Variants in NBEAL2 observed in about 807,000 individuals in gnomAD.
NBEAL2 encodes the protein neurobeachin like 2, also known as neurobeachin-like protein 2.
A neutral mutation model predicts 299.8 loss-of-function variants in NBEAL2; 160 were observed. That is an observed-to-expected ratio of 0.53 (90% CI 0.47 to 0.61). The LOEUF is 0.61. Ranked by LOEUF, NBEAL2 falls within the 20% of genes least tolerant of loss-of-function variation. The pLI, the probability that NBEAL2 is intolerant of heterozygous loss-of-function variation, is 0.00. For missense variants in NBEAL2, 3,112 were observed against 3,649.0 expected (o/e 0.85, Z 3.79); for synonymous variants, 1,493 against 1,542.3 (o/e 0.97, Z 0.75).
rs1055749717 is a variant in NBEAL2 at position 46,979,686 on chromosome 3, A to C, written c.-176A>C. 9 of 315,282 alleles carry C rather than the reference A, an allele frequency of 2.9e-5. No homozygotes were observed. Among genetic ancestry groups the C allele is most frequent in the African/African-American group, 1.8e-4 (8 of 45,554 alleles). The allele number at this position is 315,282 out of a possible 1,614,324, so 19.5% of individuals were successfully genotyped here. A position where few individuals can be genotyped will look rare whatever the true frequency, so the allele number is the denominator to read the frequency against. ...CCGGCAGTGAGGAGGAGGAGCGAGC[A>C]GACTTGGGTGGCTCTGCGCCGCGGA... On this transcript the variant is annotated 5_prime_UTR_variant, in exon 1 of 54. Coordinates refer to ENST00000450053, the MANE Select transcript of NBEAL2 (RefSeq NM_015175.3).
chr3:47,007,775 T>G lies in NBEAL2; in HGVS notation c.7508-41T>G, dbSNP rs760428051. ...GTTCTGAGGCTGGCCAGGGCGGATG[T>G]GACTCCTCCGTTCTGCCTGTACCCT... On this transcript the variant is annotated intron_variant, in intron 48 of 53. Transcript: ENST00000450053. 5 of 1,608,812 alleles carry G rather than the reference T, an allele frequency of 3.1e-6. No individual in the cohort carries two copies. The Admixed American group carries it at 8.4e-5, about 27-fold the overall frequency.
At chr3:46,992,071 A>G in intron 9 of NBEAL2, 125 bp downstream of exon 9, 1 of 890,598 alleles carries the variant, frequency 1.1e-6, no homozygotes, top group South Asian at 1.5e-5. Flanking sequence ...AGCTGGTGGG[A>G]TGGCTTGCAG....
At chr3:46,986,035 G>C (rs2035651837) in intron 1 of NBEAL2, among the ~76,000 whole-genome samples, 1 of 152,212 alleles carries the variant, frequency 6.6e-6, no homozygotes, top group African/African-American at 2.4e-5. Context: ...GCCTAGGTCA[G>C]AGTTGGCCTG....
intron 9 of NBEAL2, 126 bp from the exon 10 acceptor site, chr3:46,992,349 T>G: frequency 1.1e-6 from 1 of 875,566 alleles, no homozygotes; most frequent in Non-Finnish European, 1.9e-6. Context: ...CTCAGCACCC[T>G]ACTCTTCCCT....
In NBEAL2 at chr3:47,008,633, C is replaced by T. The variant is rs369221654; in HGVS notation, c.7992C>T (p.Thr2664=). Residue 2664 remains threonine, a synonymous_variant, in exon 52 of 54, where the codon ACC becomes ACT. Transcript: ENST00000450053. ...CAGAGGACTTTGTGTTGCTGGGCAC[C>T]GCCCAGTGCGCCCTGCACATCCTCC... ...TVTEDFVLLG[T]AQCALHILQL... is the part of the protein sequence containing the mutation. 34 of 1,613,408 alleles carry T rather than the reference C, an allele frequency of 2.1e-5. No homozygotes were observed. The East Asian group carries it at 4.9e-4, about 23-fold the overall frequency.
chr3:46,992,337 G>A, intron 9 of NBEAL2, 138 bp from the exon 10 acceptor site: 1 of 798,814 alleles, frequency 1.3e-6, no homozygotes, highest in Non-Finnish European at 2.1e-6. Flanking sequence ...GGGCACAGGG[G>A]GCTCAGCACC....
chr3:46,987,411 G>T (rs934004150), intron 1 of NBEAL2, among the ~76,000 whole-genome samples: 73 of 152,352 alleles, frequency 4.8e-4, no homozygotes, highest in African/African-American at 1.7e-3. Flanking sequence ...GGACTCAGCT[G>T]GTTAGGAGCT....
Position 47,008,605 on chromosome 3 carries a change from TGACA to T in NBEAL2, c.7967_7970del (p.Thr2656ArgfsTer18), listed in dbSNP as rs767926880. ...GCAGAGCAGCCTACAGCCCTGACGG[TGACA>T]GAGGACTTTGTGTTGCTGGGCACCG... On this transcript the variant is annotated frameshift_variant, in exon 52 of 54. Coordinates refer to ENST00000450053, the MANE Select transcript of NBEAL2 (RefSeq NM_015175.3). LOFTEE classifies it high-confidence loss of function. The T allele has an allele frequency of 6.2e-7, 1 of 1,613,594 alleles. No homozygotes were observed. The highest frequency in any genetic ancestry group is 1.7e-5 in the Admixed American group (1 of 60,012).
chr3:47,005,843 C>T lies in NBEAL2; in HGVS notation c.6797C>T (p.Ala2266Val). The T allele has an allele frequency of 6.2e-7, 1 of 1,613,380 alleles. No individual in the cohort carries two copies. The highest frequency in any genetic ancestry group is 8.5e-7 in the Non-Finnish European group (1 of 1,179,798). Residue 2266 changes from alanine (A) to valine (V), a missense_variant, in exon 42 of 54, where the codon GCT becomes GTT. Ala to Val is a moderately conservative substitution (Grantham distance 64, BLOSUM62 0). Coordinates refer to ENST00000450053, the MANE Select transcript of NBEAL2 (RefSeq NM_015175.3). The stretch of plus-strand genomic sequence containing the variant: ...GACTTCATCCAGCAGCACCGCCAGG[C>T]TCTGGTGAGGAAGGAACCACAGGCA... ...PEDFIQQHRQ[A>V]LESEYVSAHL...
chr3:46,995,799 T>C lies in NBEAL2; in HGVS notation c.1984T>C (p.Tyr662His). The C allele has an allele frequency of 6.2e-7, 1 of 1,613,430 alleles. No individual in the cohort carries two copies. The highest frequency in any genetic ancestry group is 8.5e-7 in the Non-Finnish European group (1 of 1,179,772). ...LVVAVCTRKEYLTMSLPEVSF... is the reference protein window; with the variant it reads ...LVVAVCTRKEHLTMSLPEVSF... ...GGTGGCTGTGTGCACACGGAAGGAG[T>C]ATTTGACCATGAGTTTGCCCGAAGT... The change falls in exon 14 of 54, where the codon TAT becomes CAT. Residue 662 changes from tyrosine (Y) to histidine (H), a missense_variant. Around this residue, in one of 3 missense-constraint regions of NBEAL2, gnomAD observed 2,243 missense variants for 2,538.1 expected, o/e 0.88. Transcript: ENST00000450053.
chr3:47,002,022 C>G lies in NBEAL2; in HGVS notation c.4885C>G (p.Leu1629Val), dbSNP rs1384783313. The G allele has an allele frequency of 6.3e-7, 1 of 1,577,602 alleles. No individual in the cohort carries two copies. The highest frequency in any genetic ancestry group is 8.6e-7 in the Non-Finnish European group (1 of 1,162,180). The change falls in exon 31 of 54, where the codon CTG becomes GTG. Residue 1629 changes from leucine (L) to valine (V), a missense_variant. By Grantham distance (32) the Leu-to-Val change is conservative. Coordinates refer to ENST00000450053, the MANE Select transcript of NBEAL2 (RefSeq NM_015175.3). ...CYVLSKLEAA[L>V]GRVLNTSSLE... Reference sequence around the variant, plus strand: ...TGTGCTCTCCAAGCTGGAGGCTGCACTGGGGCGGGTGCTGAACACCTCTTC... The same window carrying G: ...TGTGCTCTCCAAGCTGGAGGCTGCAGTGGGGCGGGTGCTGAACACCTCTTC...
Position 47,005,833 on chromosome 3 carries a change from C to T in NBEAL2, c.6787C>T (p.His2263Tyr), listed in dbSNP as rs1357067113. The T allele has an allele frequency of 2.5e-6, 4 of 1,613,290 alleles. No homozygotes were observed. The highest frequency in any genetic ancestry group is 3.4e-6 in the Non-Finnish European group (4 of 1,179,850). ...ASSPEDFIQQ[H>Y]RQALESEYVS... ...CTCTCCTGAGGACTTCATCCAGCAG[C>T]ACCGCCAGGCTCTGGTGAGGAAGGA... Residue 2263 changes from histidine to tyrosine, a missense_variant, in exon 42 of 54, where the codon CAC (histidine) becomes TAC (tyrosine). Transcript: ENST00000450053.
At position 46,995,486 on chromosome 3, in the gene NBEAL2, C is replaced by A. The variant is rs762269150; in HGVS notation, c.1751C>A (p.Thr584Lys). The change falls in exon 13 of 54, where the codon ACG (threonine) becomes AAG (lysine). Residue 584 changes from threonine to lysine, a missense_variant. This residue lies in a region of NBEAL2 where 2,243 missense variants were observed against 2,538.1 expected (regional missense o/e 0.88). Coordinates refer to ENST00000450053, the MANE Select transcript of NBEAL2 (RefSeq NM_015175.3). Reference protein sequence around the residue: ...PARALRYFDLTPSMAGIMVPP... With the variant: ...PARALRYFDLKPSMAGIMVPP... ...CGTGCTCTGCGCTACTTTGACCTCA[C>A]GCCCAGCATGGCGGGCATCATGGTA... is the stretch of plus-strand genomic sequence containing the variant. 5.0e-6 allele frequency: 8 copies of A among 1,612,892 alleles called. No individual in the cohort carries two copies. In the Admixed American group the frequency reaches 8.3e-5, roughly 17 times the overall value.
At chr3:47,002,908 G>C in intron 33 of NBEAL2, 49 bp from the exon 34 acceptor site, 2 of 1,599,598 alleles carry the variant, frequency 1.3e-6, no homozygotes, top group South Asian at 1.1e-5. Context: ...GGAGGGATGG[G>C]GGTGTCTACA....
At position 46,996,492 on chromosome 3, in the gene NBEAL2, T is replaced by G; in HGVS notation, c.2373T>G (p.Thr791=). Residue 791 remains threonine, a synonymous_variant, in exon 16 of 54, where the codon ACT becomes ACG. Coordinates refer to ENST00000450053, the MANE Select transcript of NBEAL2 (RefSeq NM_015175.3). Reference sequence around the variant, plus strand: ...CTACCCTCGCAGGCACCCAGGACACTCGGTGGGGCAGCCCCACATCCCTGG... The same window carrying G: ...CTACCCTCGCAGGCACCCAGGACACGCGGTGGGGCAGCCCCACATCCCTGG... ...IDSTLAGTQD[T]RWGSPTSLEG... 1 of 1,586,942 alleles carries G rather than the reference T, an allele frequency of 6.3e-7. No homozygotes were observed. The highest frequency in any genetic ancestry group is 8.6e-7 in the Non-Finnish European group (1 of 1,164,186).
At position 46,991,636 on chromosome 3, in the gene NBEAL2, T is replaced by C. The variant is rs957962343; in HGVS notation, c.873T>C (p.Gly291=). The C allele has an allele frequency of 2.5e-6, 4 of 1,599,668 alleles. No individual in the cohort carries two copies. The African/African-American group carries it at 5.3e-5, about 21-fold the overall frequency. The part of the protein sequence containing the change: ...FHVLNADWPA[G]LSSGPEEALV... ...TCCTTAATGCTGACTGGCCAGCTGGTCTGAGCTCAGGCCCCGAAGAGGCCC... is the reference window on the plus strand; with the variant it reads ...TCCTTAATGCTGACTGGCCAGCTGGCCTGAGCTCAGGCCCCGAAGAGGCCC... Residue 291 remains glycine (G), a synonymous_variant, in exon 8 of 54, where the codon GGT becomes GGC. Transcript: ENST00000450053. The surrounding 1 kb of genome is among the most constrained non-coding windows in gnomAD (Gnocchi z 6.2).
At chr3:46,996,908 C>G (rs778326649) in intron 17 of NBEAL2, 46 bp from the exon 18 acceptor site, 1 of 1,609,426 alleles carries the variant, frequency 6.2e-7, no homozygotes, top group Admixed American at 1.7e-5. Flanking sequence ...CCTGCCACCC[C>G]CTCCTCCCTC....
At chr3:46,998,676 T>A (rs1317800533) in intron 22 of NBEAL2, 41 bp from the exon 23 acceptor site, 1 of 1,556,692 alleles carries the variant, frequency 6.4e-7, no homozygotes, top group Admixed American at 1.9e-5. Flanking sequence ...TCTCCCCGCC[T>A]TTCTTTGGGA....
intron 15 of NBEAL2, 80 bp from the exon 16 acceptor site, chr3:46,996,191 G>A (rs933674712): frequency 1.3e-6 from 2 of 1,577,384 alleles, no homozygotes; most frequent in African/African-American, 1.3e-5. Flanking sequence ...CAGCCATGGG[G>A]GTCACTGTGA....
Sources: gnomAD v4.1 joint callset for allele counts (sites outside exome capture counted in the v4.1 genomes callset) on GRCh38, gnomAD v4.1.1 for gene constraint, gnomAD v4.1.1 regional missense constraint, Gnocchi (gnomAD v3.1) non-coding constraint, MANE v1.5 for transcripts, NCBI Gene and HGNC (gene_info 2026-07-23, HGNC 2026-07-21) for gene names.